Variants in ZNF385B observed in about 807,000 individuals in gnomAD.
The protein encoded by ZNF385B is zinc finger protein 385B, also known as zinc finger protein 533.
ZNF385B carries 23 observed loss-of-function variants against 39.2 expected under a neutral mutation model. That is an observed-to-expected ratio of 0.59 (90% CI 0.42 to 0.83). The LOEUF (loss-of-function observed/expected upper bound fraction) is 0.83, where lower values mean the gene tolerates loss of function less well. Among genes scored for constraint, ZNF385B ranks in the 40% least tolerant of loss-of-function variants. The pLI, the probability that ZNF385B is intolerant of heterozygous loss-of-function variation, is 0.00. For missense variants in ZNF385B, 552 were observed against 598.9 expected, an observed-to-expected ratio of 0.92 and a Z score of 0.82; for synonymous variants, 205 against 222.6, an observed-to-expected ratio of 0.92 and a Z score of 0.70.
chr2:179,648,013 T>C (rs1262896006), intron 3 of ZNF385B, among the ~76,000 whole-genome samples: 1 of 152,084 alleles, frequency 6.6e-6, no homozygotes, highest in Non-Finnish European at 1.5e-5. Flanking sequence ...GAAAGGTGAC[T>C]GTGGCAGAGC....
chr2:179,499,590 C>T (rs563967556), intron 5 of ZNF385B, among the ~76,000 whole-genome samples: 1 of 152,118 alleles, frequency 6.6e-6, no homozygotes, highest in South Asian at 2.1e-4. Context: ...AAAAATTCAA[C>T]ATCCCTTCAT....
intron 1 of ZNF385B, among the ~76,000 whole-genome samples, chr2:179,774,232 G>C (rs1221461732): frequency 4.6e-5 from 7 of 151,640 alleles, no homozygotes; most frequent in African/African-American, 1.7e-4. Flanking sequence ...GGAGTGTAGG[G>C]GATATGTGGG....
intron 5 of ZNF385B, among the ~76,000 whole-genome samples, chr2:179,493,763 G>GGATACATATGTGTA (rs2055760983): frequency 1.2e-5 from 1 of 85,356 alleles, no homozygotes; most frequent in Non-Finnish European, 2.6e-5. Flanking sequence ...ATACATATAT[G>GGATACATATGTGTA]TATACATATA....
At chr2:179,458,982 A>G (rs1221782425) in intron 6 of ZNF385B, among the ~76,000 whole-genome samples, 2 of 152,234 alleles carry the variant, frequency 1.3e-5, no homozygotes, top group Non-Finnish European at 2.9e-5. Flanking sequence ...ATCGGTCCCA[A>G]CCAAGAACTC....
intron 5 of ZNF385B, among the ~76,000 whole-genome samples, chr2:179,513,175 ATCT>A (rs1158470623): frequency 6.6e-6 from 1 of 152,212 alleles, no homozygotes; most frequent in African/African-American, 2.4e-5. Flanking sequence ...AAGGATGAGC[ATCT>A]TCTTAATTCT....
At chr2:179,809,184 A>G (rs1444115477) in intron 1 of ZNF385B, among the ~76,000 whole-genome samples, 1 of 152,174 alleles carries the variant, frequency 6.6e-6, no homozygotes, top group Non-Finnish European at 1.5e-5. Context: ...GTTCATTTAT[A>G]TTACACCATC....
intron 3 of ZNF385B, among the ~76,000 whole-genome samples, chr2:179,720,617 T>C (rs1700628567): frequency 6.6e-6 from 1 of 152,050 alleles, no homozygotes; most frequent in South Asian, 2.1e-4. Flanking sequence ...AATCCAAGCA[T>C]ATCAATTATC....
chr2:179,710,283 C>T (rs1559117176), intron 3 of ZNF385B, among the ~76,000 whole-genome samples: 1 of 152,060 alleles, frequency 6.6e-6, no homozygotes, highest in Non-Finnish European at 1.5e-5. Context: ...TACCTTTGCC[C>T]CAACCTGGGA....
At chr2:179,609,407 T>C (rs1012921054) in intron 3 of ZNF385B, among the ~76,000 whole-genome samples, 1 of 152,228 alleles carries the variant, frequency 6.6e-6, no homozygotes, top group Non-Finnish European at 1.5e-5. Flanking sequence ...GATCTCATTC[T>C]TTTCTATGAC....
intron 2 of ZNF385B, among the ~76,000 whole-genome samples, chr2:179,770,186 G>C (rs975990168): frequency 3.9e-5 from 6 of 152,190 alleles, no homozygotes; most frequent in African/African-American, 1.4e-4. Context: ...TGCTCACATA[G>C]TGCTATGTGA....
intron 1 of ZNF385B, among the ~76,000 whole-genome samples, chr2:179,797,017 T>C (rs926165270): frequency 2.6e-5 from 4 of 152,176 alleles, no homozygotes; most frequent in Admixed American, 6.5e-5. Context: ...ATTTAAGAAA[T>C]GTTAACTACA....
intron 3 of ZNF385B, among the ~76,000 whole-genome samples, chr2:179,659,424 G>T (rs1381246563): frequency 6.6e-6 from 1 of 151,946 alleles, no homozygotes; most frequent in Non-Finnish European, 1.5e-5. Flanking sequence ...TTCTTATTAT[G>T]CTCTTTTATA....
At chr2:179,562,736 T>G in intron 3 of ZNF385B, 1 of 239,936 alleles carries the variant, frequency 4.2e-6, no homozygotes, top group Non-Finnish European at 6.7e-6. Context: ...AAACTACCAC[T>G]CTGTCATAGT....
intron 5 of ZNF385B, among the ~76,000 whole-genome samples, chr2:179,505,644 G>A (rs2057185890): frequency 6.6e-6 from 1 of 152,054 alleles, no homozygotes; most frequent in African/African-American, 2.4e-5. Context: ...AAGATAAAAA[G>A]GAAACTATTT....
intron 3 of ZNF385B, among the ~76,000 whole-genome samples, chr2:179,740,658 A>G (rs1702035439): frequency 6.6e-6 from 1 of 152,174 alleles, no homozygotes; most frequent in African/African-American, 2.4e-5. Flanking sequence ...ATAGGACTGA[A>G]GTAAGTAGGA....
At chr2:179,722,657 G>T (rs963193352) in intron 3 of ZNF385B, among the ~76,000 whole-genome samples, 1 of 151,938 alleles carries the variant, frequency 6.6e-6, no homozygotes, top group African/African-American at 2.4e-5. Context: ...ATAATCTCAA[G>T]GTAGAGAAAC....
At chr2:179,582,827 G>C (rs1186556897) in intron 3 of ZNF385B, among the ~76,000 whole-genome samples, 1 of 152,032 alleles carries the variant, frequency 6.6e-6, no homozygotes, top group Non-Finnish European at 1.5e-5. Context: ...TGGTAGTTTT[G>C]TCATTAAGAA....
At position 179,477,137 on chromosome 2, in the gene ZNF385B, A is replaced by G. The variant is rs554923890; in HGVS notation, c.715+6135T>C. On this transcript the variant is annotated intron_variant, in intron 6 of 9. Transcript: ENST00000410066. ...AGTCAACAGAAATGAGAAATTGTCA[A>G]TTGGAAAACTTGGCCCCATTTGTAA... Among the ~76,000 whole-genome samples, 11 of 152,326 alleles carry G rather than the reference A, an allele frequency of 7.2e-5. No individual in the cohort carries two copies. In the South Asian group the frequency reaches 1.0e-3, roughly 14 times the overall value.
At chr2:179,469,955 T>C (rs1385363156) in intron 6 of ZNF385B, among the ~76,000 whole-genome samples, 1 of 152,114 alleles carries the variant, frequency 6.6e-6, no homozygotes, top group African/African-American at 2.4e-5. Flanking sequence ...TTCTCCCCAA[T>C]GGGGGAAACT....
Sources: gnomAD v4.1 joint callset for allele counts (sites outside exome capture counted in the v4.1 genomes callset) on GRCh38, gnomAD v4.1.1 for gene constraint, MANE v1.5 for transcripts, NCBI Gene and HGNC (gene_info 2026-07-23, HGNC 2026-07-21) for gene names.